GART: variants seen among roughly 807,000 people sequenced by gnomAD.
The protein encoded by GART is trifunctional purine biosynthetic protein adenosine-3.
In GART, 43 loss-of-function variants were observed where a neutral mutation model predicts 107.2. That is an observed-to-expected ratio of 0.40 (90% confidence interval 0.31 to 0.52). GART has a LOEUF of 0.52. Among genes scored for constraint, GART ranks in the 20% least tolerant of loss-of-function variants. GART has a pLI of 0.52. For missense variants in GART, 1,107 were observed against 1,206.5 expected (o/e 0.92, Z 1.22); for synonymous variants, 434 against 427.0 (o/e 1.02, Z -0.20).
chr21:33,517,527 C>T lies in GART; in HGVS notation c.1784G>A (p.Arg595Gln), dbSNP rs202015633. 1.5e-4 allele frequency: 245 copies of T among 1,614,042 alleles called. No homozygotes were observed. The highest frequency in any genetic ancestry group is 2.5e-4 in the Admixed American group (15 of 59,990). Residue 595 changes from arginine (R) to glutamine (Q), a missense_variant, in exon 15 of 22, where the codon CGA (arginine) becomes CAA (glutamine). By Grantham distance (43) the Arg-to-Gln change is conservative. Coordinates refer to ENST00000381815, the MANE Select transcript of GART (RefSeq NM_000819.5). Reference protein sequence around the residue: ...LAGFAVGAMERDQKLPHLERI... With the variant: ...LAGFAVGAMEQDQKLPHLERI... ...TTCCAGGTGAGGGAGTTTCTGATCT[C>T]GCTCCATGGCACCAACGGCAAACCC... is the stretch of plus-strand genomic sequence containing the variant.
At chr21:33,528,756 T>TAA (rs57178645) in intron 8 of GART, 94 bp downstream of exon 8, 7,461 of 797,988 alleles carry the variant, frequency 9.3e-3, no homozygotes, top group Non-Finnish European at 0.011. Context: ...TAAAAAGTGG[T>TAA]AAAAAAAAAA....
chr21:33,523,992 A>G (rs74838149), intron 11 of GART: 145,777 of 910,806 alleles, frequency 0.16, 12,028 homozygotes, highest in Admixed American at 0.2. Context: ...AAAAAAAAAG[A>G]AATCAAAACA....
chr21:33,522,914 T>C (rs1482356890), intron 11 of GART, among the ~76,000 whole-genome samples: 1 of 152,212 alleles, frequency 6.6e-6, no homozygotes, highest in Non-Finnish European at 1.5e-5. Flanking sequence ...AAGTGAAAAT[T>C]AGATTTGTAA....
intron 7 of GART, among the ~76,000 whole-genome samples, chr21:33,529,158 A>G (rs2085134396): frequency 6.6e-6 from 1 of 152,222 alleles, no homozygotes; most frequent in South Asian, 2.1e-4. Flanking sequence ...TACACTCTTA[A>G]AAGAACTAGC....
upstream of GART, chr21:33,542,190 T>C (rs2085453445): frequency 6.6e-6 from 1 of 151,882 alleles, no homozygotes; most frequent in African/African-American, 2.4e-5. Flanking sequence ...CCTGCCCCAT[T>C]GGTCCGCGCG....
chr21:33,516,402 T>A (rs2084880628), intron 16 of GART, among the ~76,000 whole-genome samples: 1 of 152,212 alleles, frequency 6.6e-6, no homozygotes, highest in African/African-American at 2.4e-5. Context: ...TGGCTATAAC[T>A]ATTACTACGT....
At chr21:33,516,953 A>G in intron 16 of GART, 36 bp downstream of exon 16, 1 of 1,562,698 alleles carries the variant, frequency 6.4e-7, no homozygotes, top group Non-Finnish European at 8.7e-7. Context: ...TTTCCTCAGC[A>G]ATTTTCTGAA....
intron 4 of GART, among the ~76,000 whole-genome samples, 162 bp downstream of exon 4, chr21:33,534,417 A>G (rs2085263240): frequency 6.6e-6 from 1 of 151,644 alleles, no homozygotes; most frequent in Non-Finnish European, 1.5e-5. Context: ...GGGTTTTACC[A>G]TGGTACCCAG....
intron 11 of GART, among the ~76,000 whole-genome samples, chr21:33,523,125 C>T (rs2085002440): frequency 6.6e-6 from 1 of 152,190 alleles, no homozygotes; most frequent in Non-Finnish European, 1.5e-5. Flanking sequence ...TTTTGAATGA[C>T]ACTGCAGATT....
At chr21:33,531,582 T>C (rs1435404949) in intron 5 of GART, 25 bp from the exon 6 acceptor site, 1 of 1,573,594 alleles carries the variant, frequency 6.4e-7, no homozygotes, top group South Asian at 1.2e-5. Flanking sequence ...TTTTTTTTTT[T>C]TTTTTTTAAA....
intron 4 of GART, among the ~76,000 whole-genome samples, chr21:33,532,711 T>A (rs764966514): frequency 4.6e-5 from 7 of 152,170 alleles, no homozygotes; most frequent in African/African-American, 1.2e-4. Context: ...GGCAATATCT[T>A]TGGAAGAATA....
At chr21:33,522,996 T>G (rs907134398) in intron 11 of GART, among the ~76,000 whole-genome samples, 1 of 152,226 alleles carries the variant, frequency 6.6e-6, no homozygotes, top group East Asian at 1.9e-4. Flanking sequence ...TGTATCTGTT[T>G]CCTAATAGCT....
In GART at chr21:33,509,915, G is replaced by C. The variant is rs375504860; in HGVS notation, c.2320C>G (p.Pro774Ala). The change falls in exon 18 of 22, where the codon CCA becomes GCA. Residue 774 changes from proline to alanine, a missense_variant. By Grantham distance (27) the Pro-to-Ala change is conservative. Coordinates refer to ENST00000381815, the MANE Select transcript of GART (RefSeq NM_000819.5). ...ATCAGATTCTTGACTTTCACACGTG[G>C]GGAACCTTCATTTCAAACATATCCA... is the stretch of plus-strand genomic sequence containing the variant. Reference protein sequence around the residue: ...GSVVARAEGSPRVKVKNLIES... With the variant: ...GSVVARAEGSARVKVKNLIES... 1.7e-5 allele frequency: 27 copies of C among 1,609,466 alleles called. No individual in the cohort carries two copies. The Middle Eastern group carries it at 2.1e-3, about 128-fold the overall frequency.
intron 1 of GART, among the ~76,000 whole-genome samples, chr21:33,541,457 C>G (rs934570487): frequency 1.3e-5 from 2 of 152,208 alleles, no homozygotes; most frequent in African/African-American, 4.8e-5. Context: ...ATCTTTAAAT[C>G]TAGAGCAAAT....
Position 33,517,619 on chromosome 21 carries a change from A to G in GART, c.1703-11T>C. The G allele has an allele frequency of 6.2e-7, 1 of 1,614,000 alleles. No homozygotes were observed. Among genetic ancestry groups the G allele is most frequent in the Non-Finnish European group, 8.5e-7 (1 of 1,179,862 alleles). On this transcript the variant is annotated splice_polypyrimidine_tract_variant and intron_variant, in intron 14 of 21. Coordinates refer to ENST00000381815, the MANE Select transcript of GART (RefSeq NM_000819.5). ...CTGCTGTTTCACCTCCTGGTGGGATAAGACAAGAACAAAGAAATCAGAGTA... is the reference window on the plus strand; with the variant it reads ...CTGCTGTTTCACCTCCTGGTGGGATGAGACAAGAACAAAGAAATCAGAGTA...
chr21:33,534,165 A>G (rs2085255670), intron 4 of GART, among the ~76,000 whole-genome samples: 1 of 152,192 alleles, frequency 6.6e-6, no homozygotes, highest in African/African-American at 2.4e-5. Flanking sequence ...ACATCTTGAG[A>G]CAGCCTAAAG....
chr21:33,507,811 G>A (rs1282748924), intron 18 of GART, among the ~76,000 whole-genome samples: 4 of 151,972 alleles, frequency 2.6e-5, no homozygotes, highest in Admixed American at 6.6e-5. Context: ...CAGCCTGGGC[G>A]ACAGAGTGAG....
In GART at chr21:33,529,687, G is replaced by A. The variant is rs149675610; in HGVS notation, c.724-750C>T. ...TTGGCCAGGCTGGTCTCAAACTCCC[G>A]ACCTCAGGTTATCCACCTGCCTCGG... is the stretch of plus-strand genomic sequence containing the variant. On this transcript the variant is annotated intron_variant, in intron 7 of 21. Transcript: ENST00000381815. 1,003 of 154,076 alleles carry A rather than the reference G, an allele frequency of 6.5e-3. 14 individuals are homozygous for A. The highest frequency in any genetic ancestry group is 0.023 in the African/African-American group (963 of 41,434). 9.5% of individuals were successfully genotyped at this position (154,076 alleles called of 1,614,324 possible). A position where few individuals can be genotyped will look rare whatever the true frequency, so the allele number is the denominator to read the frequency against.
chr21:33,508,757 C>T (rs901892655), intron 18 of GART, among the ~76,000 whole-genome samples: 3 of 152,010 alleles, frequency 2.0e-5, no homozygotes, highest in African/African-American at 4.8e-5. Flanking sequence ...CCTTGTGATC[C>T]GCCCGCCTCA....
Sources: allele counts gnomAD v4.1 joint callset (sites outside exome capture counted in the v4.1 genomes callset), GRCh38; gene constraint gnomAD v4.1.1; transcripts MANE v1.5; gene names NCBI Gene and HGNC (gene_info 2026-07-23, HGNC 2026-07-21).